The following DIP2B variants were observed in gnomAD, a reference collection of about 807,000 sequenced individuals.
DIP2B encodes disco-interacting protein 2 homolog B.
In DIP2B, 76 loss-of-function variants were observed where a neutral mutation model predicts 198.0. The ratio of observed to expected loss-of-function variants is 0.38; its 90% confidence interval spans 0.32 to 0.46. The LOEUF is 0.46. Among genes scored for constraint, DIP2B ranks in the 20% least tolerant of loss-of-function variants. The probability of loss-of-function intolerance (pLI) is 0.99; values close to 1 mark genes in which losing one functional copy is unlikely to be tolerated. For missense variants in DIP2B, 1,559 were observed against 1,978.4 expected, an observed-to-expected ratio of 0.79 and a Z score of 4.02; for synonymous variants, 701 against 739.1, an observed-to-expected ratio of 0.95 and a Z score of 0.84.
rs78907520 is a variant in DIP2B at position 50,599,137 on chromosome 12, C to T, written c.101-26839C>T. Among the ~76,000 whole-genome samples, 725 of 146,040 alleles carry T rather than the reference C, an allele frequency of 5.0e-3. 12 individuals carry two copies. The highest frequency in any genetic ancestry group is 0.017 in the African/African-American group (679 of 39,432). On this transcript the variant is annotated intron_variant, in intron 1 of 37. Transcript: ENST00000301180. ...AAACTCCATCTCTACCAAAAAAATACAGAAATTAGCAGGGCATGGTGGCCT... is the reference window on the plus strand; with the variant it reads ...AAACTCCATCTCTACCAAAAAAATATAGAAATTAGCAGGGCATGGTGGCCT...
intron 1 of DIP2B, among the ~76,000 whole-genome samples, chr12:50,597,949 TAGTG>T (rs1291802696): frequency 5.9e-5 from 9 of 152,202 alleles, no homozygotes; most frequent in African/African-American, 1.7e-4. Flanking sequence ...TATGCAAACT[TAGTG>T]AGATAAAGTG....
At chr12:50,670,713 G>A (rs1258201901) in intron 4 of DIP2B, among the ~76,000 whole-genome samples, 1 of 152,102 alleles carries the variant, frequency 6.6e-6, no homozygotes, top group South Asian at 2.1e-4. Context: ...CACCACGCCC[G>A]GCCTGGCACA....
chr12:50,636,811 A>G (rs911441704), intron 2 of DIP2B, among the ~76,000 whole-genome samples: 2 of 152,142 alleles, frequency 1.3e-5, no homozygotes, highest in African/African-American at 4.8e-5. Context: ...CCTGATGTCA[A>G]GTGGCCAAGG....
At chr12:50,560,530 C>T (rs1411178702) in intron 1 of DIP2B, among the ~76,000 whole-genome samples, 1 of 151,846 alleles carries the variant, frequency 6.6e-6, no homozygotes, top group Admixed American at 6.6e-5. Flanking sequence ...TTCACTCCAG[C>T]CTGGGCAACA....
intron 2 of DIP2B, among the ~76,000 whole-genome samples, chr12:50,635,366 AC>A (rs1938139716): frequency 6.6e-6 from 1 of 152,098 alleles, no homozygotes; most frequent in African/African-American, 2.4e-5. Flanking sequence ...ATTCCTGCCT[AC>A]TTATTTTTTA....
intron 19 of DIP2B, among the ~76,000 whole-genome samples, chr12:50,702,125 G>A (rs977891403): frequency 2.6e-5 from 4 of 151,950 alleles, no homozygotes; most frequent in Non-Finnish European, 5.9e-5. Flanking sequence ...CGAGGCGGGC[G>A]GATCACGAGG....
chr12:50,597,534 G>A (rs1037919072), intron 1 of DIP2B, among the ~76,000 whole-genome samples: 11 of 152,172 alleles, frequency 7.2e-5, no homozygotes, highest in African/African-American at 2.4e-4. Flanking sequence ...TCTATGCATG[G>A]AGGAGCGTTA....
intron 1 of DIP2B, among the ~76,000 whole-genome samples, chr12:50,559,611 T>C (rs557301994): frequency 6.6e-6 from 1 of 151,876 alleles, no homozygotes; most frequent in South Asian, 2.1e-4. Flanking sequence ...TGCATCCCTA[T>C]AGTTCCAGCT....
Position 50,704,213 on chromosome 12 carries a change from T to C in DIP2B, c.2399T>C (p.Val800Ala), listed in dbSNP as rs1182882962. Residue 800 changes from valine to alanine, a missense_variant, in exon 20 of 38, where the codon GTA becomes GCA. Physicochemically the swap from Val to Ala is moderately conservative, Grantham distance 64 (BLOSUM62 0). Transcript: ENST00000301180. ...ATCCGATCAGGATTGCTGGGGTTTG[T>C]AGGGCCGGTAAGTGATGCTTTCATG... ...PFIRSGLLGF[V>A]GPGSLVFVVG... 6.2e-7 allele frequency: 1 copy of C among 1,610,690 alleles called. No homozygotes were observed. The highest frequency in any genetic ancestry group is 8.5e-7 in the Non-Finnish European group (1 of 1,179,288).
At chr12:50,664,829 GGTTTTTGTTTTTTTTTT>G (rs1938718089) in intron 4 of DIP2B, among the ~76,000 whole-genome samples, 1 of 5,092 alleles carries the variant, frequency 2.0e-4, no homozygotes, top group African/African-American at 3.4e-4. Flanking sequence ...CTCCTTTTTT[GGTTTTTGTTTTTTTTTT>G]TTTTTTTTTT....
intron 1 of DIP2B, 109 bp from the exon 2 acceptor site, chr12:50,625,866 CT>C: frequency 8.8e-7 from 1 of 1,138,292 alleles, no homozygotes; most frequent in Non-Finnish European, 1.3e-6. Flanking sequence ...CCCCAACCCC[CT>C]GCCTCTATAT....
chr12:50,738,195 C>T (rs1156608110), intron 35 of DIP2B, among the ~76,000 whole-genome samples: 3 of 152,052 alleles, frequency 2.0e-5, no homozygotes, highest in African/African-American at 7.2e-5. Flanking sequence ...CAAAAATTAG[C>T]TGGACATGGT....
At chr12:50,619,470 G>A (rs765536787) in intron 1 of DIP2B, among the ~76,000 whole-genome samples, 19 of 152,062 alleles carry the variant, frequency 1.2e-4, no homozygotes, top group Non-Finnish European at 1.5e-4. Flanking sequence ...ACCAAATGTC[G>A]TCTGCTCCGT....
chr12:50,706,823 C>G (rs929153655), intron 21 of DIP2B, among the ~76,000 whole-genome samples, 158 bp downstream of exon 21: 10 of 149,804 alleles, frequency 6.7e-5, no homozygotes, highest in Middle Eastern at 3.2e-3. Context: ...TCTTCTTCTT[C>G]TTCTTAGCCT....
intron 3 of DIP2B, among the ~76,000 whole-genome samples, chr12:50,643,033 TGTGTGTGTGTGA>T (rs1313521601): frequency 6.6e-6 from 1 of 151,736 alleles, no homozygotes; most frequent in African/African-American, 2.4e-5. Flanking sequence ...TTTCTGTGTG[TGTGTGTGTGTGA>T]GTGTGTGTGT....
chr12:50,623,419 ACACACACACACACACACACTCT>A (rs1399523158), intron 1 of DIP2B, among the ~76,000 whole-genome samples: 4 of 95,022 alleles, frequency 4.2e-5, no homozygotes, highest in Non-Finnish European at 8.4e-5. Flanking sequence ...ACACACACAC[ACACACACACACACACACACTCT>A]CTCTCTCTCT....
chr12:50,571,833 C>T (rs892740839), intron 1 of DIP2B, among the ~76,000 whole-genome samples: 1 of 152,212 alleles, frequency 6.6e-6, no homozygotes, highest in African/African-American at 2.4e-5. Flanking sequence ...GTGGGAATTA[C>T]AGGCGTGAGC....
chr12:50,692,022 G>A (rs1939230844), intron 13 of DIP2B, among the ~76,000 whole-genome samples: 1 of 151,916 alleles, frequency 6.6e-6, no homozygotes, highest in Non-Finnish European at 1.5e-5. Flanking sequence ...CCGAGATCAT[G>A]CCACTGCACT....
intron 1 of DIP2B, among the ~76,000 whole-genome samples, chr12:50,536,148 G>A (rs1356776176): frequency 3.3e-5 from 5 of 151,746 alleles, no homozygotes; most frequent in Admixed American, 1.3e-4. Flanking sequence ...GAATAGTGCC[G>A]CGATAAACAT....
Sources: allele counts gnomAD v4.1 joint callset (sites outside exome capture counted in the v4.1 genomes callset), GRCh38; gene constraint gnomAD v4.1.1; transcripts MANE v1.5; gene names NCBI Gene and HGNC (gene_info 2026-07-23, HGNC 2026-07-21).